RNF19B: variants seen among roughly 807,000 people sequenced by gnomAD.
The protein encoded by RNF19B is ring finger protein 19B, also known as E3 ubiquitin-protein ligase RNF19B.
In RNF19B, 23 loss-of-function variants were observed where a neutral mutation model predicts 65.5. That is an observed-to-expected ratio of 0.35 (90% CI 0.25 to 0.50). RNF19B has a LOEUF of 0.50. Ranked by LOEUF, RNF19B falls within the 20% of genes least tolerant of loss-of-function variation. The pLI, the probability that RNF19B is intolerant of heterozygous loss-of-function variation, is 0.98. For missense variants in RNF19B, 794 were observed against 980.0 expected (o/e 0.81, Z 2.53); for synonymous variants, 372 against 379.6 (o/e 0.98, Z 0.23).
At chr1:32,951,358 C>T (rs971049400) in intron 1 of RNF19B, among the ~76,000 whole-genome samples, 1 of 152,254 alleles carries the variant, frequency 6.6e-6, no homozygotes, top group Non-Finnish European at 1.5e-5. Context: ...ACACTTGGCA[C>T]AGCCCACGGG....
At chr1:32,944,556 T>C (rs1642319764) in intron 5 of RNF19B, among the ~76,000 whole-genome samples, 1 of 152,126 alleles carries the variant, frequency 6.6e-6, no homozygotes, top group East Asian at 1.9e-4. Context: ...GAGTTTAGGA[T>C]CTCCTCAGGA....
chr1:32,948,436 G>C, intron 2 of RNF19B, 73 bp from the exon 3 acceptor site: 1 of 1,504,856 alleles, frequency 6.6e-7, no homozygotes, highest in Non-Finnish European at 9.1e-7. Context: ...ATTGTTCCTA[G>C]GAGTATATAT....
At chr1:32,938,689 T>C (rs1305136290) in intron 7 of RNF19B, among the ~76,000 whole-genome samples, 161 bp from the exon 8 acceptor site, 2 of 152,288 alleles carry the variant, frequency 1.3e-5, no homozygotes, top group African/African-American at 2.4e-5. Context: ...ATACATTTTT[T>C]CTCTTAAATA....
chr1:32,931,366 G>C, the RNF19B span, among the ~76,000 whole-genome samples: 1 of 152,168 alleles, frequency 6.6e-6, no homozygotes. Context: ...GTAGCAAGGA[G>C]GGGTAGGGGG....
chr1:32,946,250 T>C (rs1429130009), intron 4 of RNF19B, 152 bp downstream of exon 4: 19 of 640,164 alleles, frequency 3.0e-5, no homozygotes, highest in East Asian at 2.8e-4. Flanking sequence ...TGGGGGTTTA[T>C]GAAAATCCAT....
chr1:32,963,421 T>C (rs1642818269), intron 1 of RNF19B, among the ~76,000 whole-genome samples: 1 of 152,120 alleles, frequency 6.6e-6, no homozygotes, highest in African/African-American at 2.4e-5. Flanking sequence ...CATTAAGAGA[T>C]ACTCCCCACC....
In RNF19B at chr1:32,964,512, G is replaced by A. The variant is rs1040395717; in HGVS notation, c.174C>T (p.Pro58=). 1.0e-6 allele frequency: 1 copy of A among 971,794 alleles called. No homozygotes were observed. The highest frequency in any genetic ancestry group is 1.2e-6 in the Non-Finnish European group (1 of 816,822). The allele number at this position is 971,794 out of a possible 1,614,324, so 60.2% of individuals were successfully genotyped here. The change falls in exon 1 of 9, where the codon CCC becomes CCT. Residue 58 remains proline (P), a synonymous_variant. Coordinates refer to ENST00000235150, the MANE Select transcript of RNF19B (RefSeq NM_001300826.2). The surrounding 1 kb of genome is among the most constrained non-coding windows in gnomAD (Gnocchi z 6.5). The part of the protein sequence containing the change: ...ARAKPQAEPP[P]PAAQPPPAPA... Reference sequence around the variant, plus strand: ...GGGCGGGCGGCGGCTGCGCAGCCGGGGGCGGCGGCTCGGCCTGCGGCTTGG... The same window carrying A: ...GGGCGGGCGGCGGCTGCGCAGCCGGAGGCGGCGGCTCGGCCTGCGGCTTGG...
chr1:32,943,675 G>A (rs1642293699), intron 6 of RNF19B, among the ~76,000 whole-genome samples: 1 of 152,004 alleles, frequency 6.6e-6, no homozygotes, highest in Non-Finnish European at 1.5e-5. Flanking sequence ...TCGTCAGAGA[G>A]CTGTTTGTTG....
At chr1:32,961,306 C>A (rs1400761209) in intron 1 of RNF19B, among the ~76,000 whole-genome samples, 1 of 152,146 alleles carries the variant, frequency 6.6e-6, no homozygotes, top group Non-Finnish European at 1.5e-5. Context: ...TAATGAAATG[C>A]ACCCAAGCAG....
Position 32,961,375 on chromosome 1 carries a change from A to C in RNF19B, c.635+2676T>G, listed in dbSNP as rs76412277. The stretch of plus-strand genomic sequence containing the variant: ...CAAATGCTTTTTAAAACAGGGGCTG[A>C]ATGGAAGGAATATTGGCATTGGTTG... On this transcript the variant is annotated intron_variant, in intron 1 of 8. Transcript: ENST00000235150. 5.0e-3 allele frequency among the ~76,000 whole-genome samples: 764 copies of C among 152,304 alleles called. 7 individuals carry two copies. The highest frequency in any genetic ancestry group is 0.016 in the African/African-American group (683 of 41,550).
intron 1 of RNF19B, among the ~76,000 whole-genome samples, chr1:32,956,827 T>C (rs1249816343): frequency 6.6e-6 from 1 of 152,142 alleles, no homozygotes; most frequent in African/African-American, 2.4e-5. Flanking sequence ...GTCTGTACTT[T>C]CCATCCCCAA....
chr1:32,950,534 A>G (rs900629383), intron 1 of RNF19B, among the ~76,000 whole-genome samples: 1 of 152,074 alleles, frequency 6.6e-6, no homozygotes, highest in Non-Finnish European at 1.5e-5. Context: ...GCAAAAACTA[A>G]AGTTTATTTT....
intron 7 of RNF19B, among the ~76,000 whole-genome samples, chr1:32,939,592 A>C (rs1642184679): frequency 6.6e-6 from 1 of 152,200 alleles, no homozygotes; most frequent in Non-Finnish European, 1.5e-5. Flanking sequence ...AACATTTAAC[A>C]ATCAAATTAC....
chr1:32,943,181 C>G (rs1208868315), intron 6 of RNF19B, among the ~76,000 whole-genome samples: 1 of 151,796 alleles, frequency 6.6e-6, no homozygotes, highest in Non-Finnish European at 1.5e-5. Context: ...CTAGAAAAAC[C>G]TTTGGGGTTT....
Position 32,936,874 on chromosome 1 carries a change from T to C in RNF19B, c.2128A>G (p.Met710Val), listed in dbSNP as rs1381305212. ...AQGAPSPSAH[M>V]NLSALAEGQT... ...CCCTCGGCTAGGGCAGAGAGGTTCA[T>C]ATGGGCACTTGGGCTCGGTGCACCT... Residue 710 changes from methionine to valine, a missense_variant, in exon 9 of 9, where the codon ATG becomes GTG. Physicochemically the swap from Met to Val is conservative, Grantham distance 21. Around this residue, in one of 3 missense-constraint regions of RNF19B, gnomAD observed 368 missense variants for 447.3 expected, o/e 0.82. Transcript: ENST00000235150. 5.6e-6 allele frequency: 9 copies of C among 1,612,624 alleles called. No homozygotes were observed. Among genetic ancestry groups the C allele is most frequent in the Admixed American group, 1.7e-5 (1 of 59,964 alleles).
At chr1:32,945,469 G>T in intron 5 of RNF19B, 45 bp downstream of exon 5, 1 of 1,266,646 alleles carries the variant, frequency 7.9e-7, no homozygotes. Flanking sequence ...AAACTGCTAT[G>T]GTCAGAAAGC....
chr1:32,964,284 G>C lies in RNF19B; in HGVS notation c.402C>G (p.Leu134=). 7.9e-6 allele frequency: 12 copies of C among 1,528,600 alleles called. No individual in the cohort carries two copies. The highest frequency in any genetic ancestry group is 1.1e-5 in the Non-Finnish European group (12 of 1,140,970). 94.7% of individuals were successfully genotyped at this position (1,528,600 alleles called of 1,614,324 possible). Residue 134 remains leucine (L), a synonymous_variant, in exon 1 of 9, where the codon CTC becomes CTG. Transcript: ENST00000235150. The surrounding 1 kb of genome is among the most constrained non-coding windows in gnomAD (Gnocchi z 6.5). ...VRLPPERAPR[L]LSCPHRSCRD... is the part of the protein sequence containing the mutation. The stretch of plus-strand genomic sequence containing the variant: ...GGCACGAGCGGTGCGGACAGCTGAG[G>C]AGGCGCGGGGCCCGCTCAGGCGGCA...
chr1:32,943,491 C>T (rs1032038691), intron 6 of RNF19B, among the ~76,000 whole-genome samples: 10 of 151,930 alleles, frequency 6.6e-5, no homozygotes, highest in African/African-American at 1.5e-4. Flanking sequence ...TGGCACGTTG[C>T]TGTAGTCCCA....
chr1:32,963,409 C>T (rs1210316082), intron 1 of RNF19B, among the ~76,000 whole-genome samples: 1 of 152,096 alleles, frequency 6.6e-6, no homozygotes, highest in Non-Finnish European at 1.5e-5. Context: ...CCTCCCCACT[C>T]TCATTAAGAG....
Sources: gnomAD v4.1 joint callset for allele counts (sites outside exome capture counted in the v4.1 genomes callset) on GRCh38, gnomAD v4.1.1 for gene constraint, gnomAD v4.1.1 regional missense constraint, Gnocchi (gnomAD v3.1) non-coding constraint, MANE v1.5 for transcripts, NCBI Gene and HGNC (gene_info 2026-07-23, HGNC 2026-07-21) for gene names.